The following LRRC4C variants were observed in gnomAD, a reference collection of about 807,000 sequenced individuals.
LRRC4C encodes the protein leucine rich repeat containing 4C, also known as leucine-rich repeat-containing protein 4C.
In LRRC4C, 5 loss-of-function variants were observed where a neutral mutation model predicts 33.6. The ratio of observed to expected loss-of-function variants is 0.15; its 90% CI spans 0.08 to 0.31. The LOEUF (loss-of-function observed/expected upper bound fraction) is 0.31. Ranked by LOEUF, LRRC4C falls within the 10% of genes least tolerant of loss-of-function variation. The pLI, the probability that LRRC4C is intolerant of heterozygous loss-of-function variation, is 1.00. For missense variants in LRRC4C, 560 were observed against 796.7 expected, an observed-to-expected ratio of 0.70 and a Z score of 3.58; for synonymous variants, 329 against 302.0, an observed-to-expected ratio of 1.09 and a Z score of -0.93.
Position 41,075,027 on chromosome 11 carries a change from T to TTTTTTTTTTTAA in LRRC4C, c.-495-141305_-495-141304insTTAAAAAAAAAA, listed in dbSNP as rs764193977. ...ACCTTCAATTTTCTTTTTTTTTTTT[T>TTTTTTTTTTTAA]TTTTTTTTTATTTTTAATGTTTTTT... On this transcript the variant is annotated intron_variant, in intron 1 of 6. Coordinates refer to ENST00000528697, the MANE Select transcript of LRRC4C (RefSeq NM_001258419.2). Among the ~76,000 whole-genome samples, 4 of 102,968 alleles carry TTTTTTTTTTTAA rather than the reference T, an allele frequency of 3.9e-5. No homozygotes were observed. In the South Asian group the frequency reaches 8.5e-4, roughly 22 times the overall value. The allele number at this position is 102,968 out of a possible 152,430, so 67.6% of individuals were successfully genotyped here.
rs1960816446 is a variant in LRRC4C, at chr11:40,608,092, A to G, written c.-270+40050T>C. ...GCTTTCTTATAATTTAAATATATAG[A>G]AGAATACAGAATACTAATACTGCAA... On this transcript the variant is annotated intron_variant, in intron 3 of 6. Coordinates refer to ENST00000528697, the MANE Select transcript of LRRC4C (RefSeq NM_001258419.2). 2.6e-5 allele frequency among the ~76,000 whole-genome samples: 4 copies of G among 152,188 alleles called. No homozygotes were observed. The South Asian group carries it at 8.3e-4, about 32-fold the overall frequency.
chr11:41,338,740 G>A (rs951243390), intron 1 of LRRC4C, among the ~76,000 whole-genome samples: 3 of 151,966 alleles, frequency 2.0e-5, no homozygotes, highest in Non-Finnish European at 2.9e-5. Context: ...TAAATGCTTG[G>A]CATTGTATTG....
chr11:40,650,986 A>G (rs962699261), intron 2 of LRRC4C, among the ~76,000 whole-genome samples: 47 of 152,174 alleles, frequency 3.1e-4, no homozygotes, highest in African/African-American at 9.2e-4. Flanking sequence ...AAATACTTGT[A>G]AAATGTACCA....
At chr11:40,265,736 A>T (rs1180722274) in intron 4 of LRRC4C, among the ~76,000 whole-genome samples, 1 of 152,204 alleles carries the variant, frequency 6.6e-6, no homozygotes, top group Non-Finnish European at 1.5e-5. Flanking sequence ...GCAGACAAGT[A>T]TGTGGTCCGT....
chr11:41,185,554 A>G (rs1945656059), intron 1 of LRRC4C, among the ~76,000 whole-genome samples: 1 of 152,194 alleles, frequency 6.6e-6, no homozygotes, highest in Non-Finnish European at 1.5e-5. Context: ...TCATATTTCA[A>G]TGCGGTCAAC....
At chr11:40,561,004 C>T (rs1420858644) in intron 3 of LRRC4C, among the ~76,000 whole-genome samples, 1 of 152,190 alleles carries the variant, frequency 6.6e-6, no homozygotes, top group Non-Finnish European at 1.5e-5. Flanking sequence ...TTTGTTTTCT[C>T]TCCTTCTTTT....
chr11:40,527,139 TAGAC>T, intron 3 of LRRC4C, among the ~76,000 whole-genome samples: 1 of 152,234 alleles, frequency 6.6e-6, no homozygotes, highest in East Asian at 1.9e-4. Flanking sequence ...TTGACAAAAG[TAGAC>T]AGATAGGACA....
chr11:40,387,123 A>T (rs1440486864), intron 3 of LRRC4C, among the ~76,000 whole-genome samples: 3 of 152,216 alleles, frequency 2.0e-5, no homozygotes, highest in Non-Finnish European at 4.4e-5. Flanking sequence ...GAGAAATTAT[A>T]TAGAATTATT....
chr11:40,307,088 A>G (rs1408468408), intron 4 of LRRC4C, among the ~76,000 whole-genome samples: 1 of 151,344 alleles, frequency 6.6e-6, no homozygotes, highest in Non-Finnish European at 1.5e-5. Flanking sequence ...TAGGTCCTGT[A>G]GGATGTTTAG....
chr11:40,910,646 A>C (rs970562346), intron 2 of LRRC4C, among the ~76,000 whole-genome samples: 1 of 152,188 alleles, frequency 6.6e-6, no homozygotes, highest in African/African-American at 2.4e-5. Flanking sequence ...TGATTTCTGC[A>C]TTTCCAACTG....
At chr11:41,008,944 A>T (rs184636755) in intron 1 of LRRC4C, among the ~76,000 whole-genome samples, 1 of 152,268 alleles carries the variant, frequency 6.6e-6, no homozygotes, top group African/African-American at 2.4e-5. Flanking sequence ...GATATAAATT[A>T]TGCATTTGTG....
At chr11:40,865,404 G>T (rs1043651563) in intron 2 of LRRC4C, among the ~76,000 whole-genome samples, 1 of 151,790 alleles carries the variant, frequency 6.6e-6, no homozygotes, top group Non-Finnish European at 1.5e-5. Flanking sequence ...CAATATATTT[G>T]TTCTTGGAAA....
At chr11:40,774,908 A>G (rs1435235861) in intron 2 of LRRC4C, among the ~76,000 whole-genome samples, 2 of 152,126 alleles carry the variant, frequency 1.3e-5, no homozygotes, top group Non-Finnish European at 2.9e-5. Flanking sequence ...CAATCTTGCA[A>G]GTGCACAAAT....
chr11:40,189,665 A>T (rs1861677566), intron 5 of LRRC4C, among the ~76,000 whole-genome samples: 1 of 152,240 alleles, frequency 6.6e-6, no homozygotes, highest in Admixed American at 6.5e-5. Flanking sequence ...ATAAAAAGAG[A>T]TGATGAATGT....
intron 1 of LRRC4C, among the ~76,000 whole-genome samples, chr11:41,271,587 T>C (rs1296419180): frequency 6.6e-6 from 1 of 152,142 alleles, no homozygotes; most frequent in Non-Finnish European, 1.5e-5. Flanking sequence ...CCTCTCCTTA[T>C]AGTCACTCTC....
chr11:40,939,052 A>G (rs2136562775), intron 1 of LRRC4C, among the ~76,000 whole-genome samples: 1 of 152,270 alleles, frequency 6.6e-6, no homozygotes, highest in East Asian at 1.9e-4. Flanking sequence ...GAAAAAAAGG[A>G]AATTCTAAAA....
intron 3 of LRRC4C, among the ~76,000 whole-genome samples, chr11:40,611,578 CATATA>C (rs1961221157): frequency 6.6e-6 from 1 of 151,700 alleles, no homozygotes; most frequent in South Asian, 2.1e-4. Flanking sequence ...AAAAGGACAA[CATATA>C]ATATTGGAGA....
At chr11:40,482,652 T>C (rs1223912101) in intron 3 of LRRC4C, among the ~76,000 whole-genome samples, 1 of 151,960 alleles carries the variant, frequency 6.6e-6, no homozygotes, top group Admixed American at 6.6e-5. Context: ...GTATTTTTTG[T>C]AGAGATGGGG....
At chr11:40,745,700 T>C (rs896848304) in intron 2 of LRRC4C, among the ~76,000 whole-genome samples, 1 of 152,154 alleles carries the variant, frequency 6.6e-6, no homozygotes, top group Non-Finnish European at 1.5e-5. Flanking sequence ...AATGAATATA[T>C]TTACTGTTTA....
Sources: allele counts gnomAD v4.1 joint callset (sites outside exome capture counted in the v4.1 genomes callset), GRCh38; gene constraint gnomAD v4.1.1; transcripts MANE v1.5; gene names NCBI Gene and HGNC (gene_info 2026-07-23, HGNC 2026-07-21).